CBFB: variants seen among roughly 807,000 people sequenced by gnomAD.
The protein encoded by CBFB is CBF-beta.
Under a neutral mutation model 30.4 loss-of-function variants are expected in CBFB, and 9 were observed. The ratio of observed to expected loss-of-function variants is 0.30; its 90% CI spans 0.18 to 0.52. The LOEUF (loss-of-function observed/expected upper bound fraction) is 0.52. Ranked by LOEUF, CBFB falls within the 20% of genes least tolerant of loss-of-function variation. CBFB has a pLI of 0.97. For missense variants in CBFB, 170 were observed against 244.0 expected, an observed-to-expected ratio of 0.70 and a Z score of 2.02; for synonymous variants, 94 against 84.0, an observed-to-expected ratio of 1.12 and a Z score of -0.65.
intron 3 of CBFB, among the ~76,000 whole-genome samples, chr16:67,066,476 C>A (rs949202689): frequency 6.6e-5 from 10 of 151,256 alleles, no homozygotes; most frequent in Non-Finnish European, 2.9e-5. Context: ...GGGAGAATTG[C>A]TTGAACCCGG....
At chr16:67,044,049 TC>T (rs1353927748) in intron 3 of CBFB, among the ~76,000 whole-genome samples, 2 of 152,350 alleles carry the variant, frequency 1.3e-5, no homozygotes, top group South Asian at 2.1e-4. Flanking sequence ...CAACTCCAGT[TC>T]CTTTGATCTT....
chr16:67,085,100 T>A (rs1001518561), intron 5 of CBFB, among the ~76,000 whole-genome samples: 2 of 152,028 alleles, frequency 1.3e-5, no homozygotes, highest in Non-Finnish European at 2.9e-5. Context: ...TTAGAATACA[T>A]TTAAAAATCA....
rs542210505 is a variant in CBFB at position 67,094,263 on chromosome 16, AT to A, written c.496-4442del. Among the ~76,000 whole-genome samples the A allele has an allele frequency of 2.1e-3, 317 of 151,630 alleles. 1 individual carries two copies. Among genetic ancestry groups the A allele is most frequent in the African/African-American group, 7.2e-3 (298 of 41,312 alleles). ...GTGAGCCACCGTGTCCGGGCCCCTC[AT>A]TTTTGTTCCTACTCTTGACTCTTCA... On this transcript the variant is annotated intron_variant, in intron 5 of 5. Transcript: ENST00000412916.
chr16:67,068,011 C>T (rs1453225569), intron 4 of CBFB, among the ~76,000 whole-genome samples: 2 of 152,212 alleles, frequency 1.3e-5, no homozygotes, highest in Non-Finnish European at 2.9e-5. Context: ...TGGATGAACA[C>T]AAGGTAGACT....
rs536866263 is a variant in CBFB at position 67,098,279 on chromosome 16, G to A, written c.496-431G>A. Among the ~76,000 whole-genome samples, 8 of 152,228 alleles carry A rather than the reference G, an allele frequency of 5.3e-5. No homozygotes were observed. In the South Asian group the frequency reaches 8.3e-4, roughly 16 times the overall value. On this transcript the variant is annotated intron_variant, in intron 5 of 5. Coordinates refer to ENST00000412916, the MANE Select transcript of CBFB (RefSeq NM_022845.3). ...GCCTCCCAAGTTGCTGGGATTACAG[G>A]TGTTGCCACCATGCCTGGCTAATTT... is the stretch of plus-strand genomic sequence containing the variant.
At chr16:67,070,043 T>A (rs1188893831) in intron 4 of CBFB, among the ~76,000 whole-genome samples, 1 of 152,232 alleles carries the variant, frequency 6.6e-6, no homozygotes, top group Non-Finnish European at 1.5e-5. Flanking sequence ...ATTAATGTCT[T>A]TTAATTGTTT....
chr16:67,053,248 C>CTTTTTTTT (rs576629599), intron 3 of CBFB, among the ~76,000 whole-genome samples: 3 of 122,744 alleles, frequency 2.4e-5, no homozygotes, highest in Non-Finnish European at 3.4e-5. Flanking sequence ...CACTTTCTCT[C>CTTTTTTTT]TTTTTTTTTT....
intron 5 of CBFB, among the ~76,000 whole-genome samples, chr16:67,086,466 T>C (rs954388567): frequency 1.3e-5 from 2 of 152,210 alleles, no homozygotes; most frequent in African/African-American, 2.4e-5. Context: ...CCCTCCACTT[T>C]ATGGCAATCC....
chr16:67,051,583 C>T, intron 3 of CBFB, among the ~76,000 whole-genome samples: 1 of 151,950 alleles, frequency 6.6e-6, no homozygotes, highest in Middle Eastern at 3.4e-3. Context: ...TTTCTATCAA[C>T]TTAACTAAAT....
Position 67,099,165 on chromosome 16 carries a change from A to G in CBFB, c.*387A>G, listed in dbSNP as rs1441436281. The stretch of plus-strand genomic sequence containing the variant: ...AGGGTTTTCTCTAATCATTTTTTCT[A>G]TTTTTTTTTTTGTACTTCTAGATGT... On this transcript the variant is annotated 3_prime_UTR_variant, in exon 6 of 6. Coordinates refer to ENST00000412916, the MANE Select transcript of CBFB (RefSeq NM_022845.3). The G allele has an allele frequency of 9.5e-6, 2 of 210,928 alleles. No individual in the cohort carries two copies. The highest frequency in any genetic ancestry group is 2.3e-5 in the African/African-American group (1 of 42,758). The allele number at this position is 210,928 out of a possible 1,614,324, so 13.1% of individuals were successfully genotyped here.
At chr16:67,071,427 C>T (rs968089199) in intron 4 of CBFB, among the ~76,000 whole-genome samples, 3 of 152,166 alleles carry the variant, frequency 2.0e-5, no homozygotes, top group Non-Finnish European at 2.9e-5. Context: ...CTCTCTGTCT[C>T]TCTCTCTGCC....
intron 5 of CBFB, among the ~76,000 whole-genome samples, chr16:67,092,698 C>T (rs796932650): frequency 0.085 from 2,885 of 33,772 alleles, 82 homozygotes; most frequent in South Asian, 0.2. Context: ...GTGGTGCAAT[C>T]TTTTTTTTTT....
At position 67,100,295 on chromosome 16, in the gene CBFB, T is replaced by C. The variant is rs1214434019; in HGVS notation, c.*1517T>C. On this transcript the variant is annotated 3_prime_UTR_variant, in exon 6 of 6. Coordinates refer to ENST00000412916, the MANE Select transcript of CBFB (RefSeq NM_022845.3). ...GCATTTAAAAAGCATATAACTGTACTTGACTGATGAGGGAGGTGTTACTTT... is the reference window on the plus strand; with the variant it reads ...GCATTTAAAAAGCATATAACTGTACCTGACTGATGAGGGAGGTGTTACTTT... 1 of 222,056 alleles carries C rather than the reference T, an allele frequency of 4.5e-6. No individual in the cohort carries two copies. Among genetic ancestry groups the C allele is most frequent in the Admixed American group, 5.7e-5 (1 of 17,410 alleles). The allele number at this position is 222,056 out of a possible 1,614,324, so 13.8% of individuals were successfully genotyped here. A position where few individuals can be genotyped will look rare whatever the true frequency, so the allele number is the denominator to read the frequency against.
chr16:67,067,520 A>C (rs1057304679), intron 4 of CBFB, among the ~76,000 whole-genome samples: 2 of 152,170 alleles, frequency 1.3e-5, no homozygotes, highest in Non-Finnish European at 2.9e-5. Flanking sequence ...TCTGTCTCAA[A>C]AACAACAACA....
intron 4 of CBFB, among the ~76,000 whole-genome samples, chr16:67,074,548 A>G (rs943865273): frequency 6.6e-6 from 1 of 151,844 alleles, no homozygotes; most frequent in African/African-American, 2.4e-5. Context: ...ATACCCTGCT[A>G]ATTTTTGTAT....
In CBFB at chr16:67,080,673, TTTTA is replaced by T. The variant is rs144825806; in HGVS notation, c.400-1536_400-1533del. 2.3e-3 allele frequency among the ~76,000 whole-genome samples: 355 copies of T among 152,306 alleles called. 13 individuals are homozygous for T. In the East Asian group the frequency reaches 0.061, roughly 26 times the overall value. The stretch of plus-strand genomic sequence containing the variant: ...TTTTCCTTAATAATTTCCCTTGAGA[TTTTA>T]TTTGCTTTTTGTTGTCCAGAAGTTT... On this transcript the variant is annotated intron_variant, in intron 4 of 5. Transcript: ENST00000412916.
Position 67,036,341 on chromosome 16 carries a change from T to C in CBFB, c.166-298T>C, listed in dbSNP as rs1966439444. The C allele has an allele frequency of 1.1e-5, 3 of 275,236 alleles. No homozygotes were observed. In the East Asian group the frequency reaches 1.9e-4, roughly 17 times the overall value. The allele number at this position is 275,236 out of a possible 1,614,324, so 17.0% of individuals were successfully genotyped here. On this transcript the variant is annotated intron_variant, in intron 2 of 5. Coordinates refer to ENST00000412916, the MANE Select transcript of CBFB (RefSeq NM_022845.3). ...TTTAAATGCAGAGATGGATAGTGGC[T>C]TCTGGTTAGACATTAGCAGTGTGAG...
In CBFB at chr16:67,029,416, C is replaced by G. The variant is rs760100158; in HGVS notation, c.9C>G (p.Arg3=). 1.3e-6 allele frequency: 2 copies of G among 1,566,772 alleles called. No individual in the cohort carries two copies. Among genetic ancestry groups the G allele is most frequent in the Non-Finnish European group, 1.7e-6 (2 of 1,159,448 alleles). ...GGCCTCAGGGCGGGAAGATGCCGCG[C>G]GTCGTGCCCGACCAGAGAAGCAAGT... MP[R]VVPDQRSKFE... The change falls in exon 1 of 6, where the codon CGC becomes CGG. Residue 3 remains arginine (R), a synonymous_variant. Coordinates refer to ENST00000412916, the MANE Select transcript of CBFB (RefSeq NM_022845.3).
chr16:67,038,327 T>A (rs1159584540), intron 3 of CBFB, among the ~76,000 whole-genome samples: 1 of 149,866 alleles, frequency 6.7e-6, no homozygotes. Flanking sequence ...TATACGTATA[T>A]GTGTGTGTAT....
Sources: gnomAD v4.1 joint callset for allele counts (sites outside exome capture counted in the v4.1 genomes callset) on GRCh38, gnomAD v4.1.1 for gene constraint, MANE v1.5 for transcripts, NCBI Gene and HGNC (gene_info 2026-07-23, HGNC 2026-07-21) for gene names.